Variants in HYCC1 observed in about 807,000 individuals in gnomAD.
HYCC1 encodes the protein hyccin PI4KA lipid kinase complex subunit 1, also known as hyccin.
At chr7:22,926,959 A>C in the HYCC1 span, among the ~76,000 whole-genome samples, 1 of 152,192 alleles carries the variant, frequency 6.6e-6, no homozygotes, top group Non-Finnish European at 1.5e-5. Context: ...CAAATGTAAA[A>C]GAACAGAAAT....
chr7:22,985,146 G>A, the HYCC1 span, among the ~76,000 whole-genome samples: 1 of 152,256 alleles, frequency 6.6e-6, no homozygotes, highest in African/African-American at 2.4e-5. Context: ...TAGATACCAT[G>A]TCTCAGGATA....
At chr7:23,005,475 G>C in the HYCC1 span, among the ~76,000 whole-genome samples, 1 of 152,164 alleles carries the variant, frequency 6.6e-6, no homozygotes, top group Non-Finnish European at 1.5e-5. Flanking sequence ...TCTGAAAAGA[G>C]GGGGCACAGG....
the HYCC1 span, among the ~76,000 whole-genome samples, chr7:22,900,867 T>C: frequency 6.6e-6 from 1 of 152,270 alleles, no homozygotes; most frequent in South Asian, 2.1e-4. Context: ...CTGTACATGA[T>C]ACCATCTTTA....
At chr7:23,003,276 C>G in the HYCC1 span, among the ~76,000 whole-genome samples, 2 of 151,580 alleles carry the variant, frequency 1.3e-5, no homozygotes, top group African/African-American at 4.9e-5. Context: ...CCAACTATGT[C>G]CTAGATACTA....
At chr7:22,899,221 A>T in the HYCC1 span, among the ~76,000 whole-genome samples, 1,901 of 152,052 alleles carry the variant, frequency 0.013, 10 homozygotes, top group Non-Finnish European at 0.021. Context: ...ACAATCAATG[A>T]TTTTCCACCC....
At chr7:23,005,468 G>A in the HYCC1 span, among the ~76,000 whole-genome samples, 4 of 152,164 alleles carry the variant, frequency 2.6e-5, no homozygotes, top group Non-Finnish European at 4.4e-5. Context: ...TTATAGTTCT[G>A]AAAAGAGGGG....
the HYCC1 span, among the ~76,000 whole-genome samples, chr7:23,006,003 T>C: frequency 5.3e-5 from 8 of 152,288 alleles, no homozygotes; most frequent in African/African-American, 1.9e-4. Context: ...GGGCTATTTG[T>C]CACCTTGTCC....
the HYCC1 span, chr7:22,960,191 T>A: frequency 1.3e-6 from 2 of 1,503,400 alleles, no homozygotes; most frequent in Non-Finnish European, 1.9e-6. Context: ...TATAGCACCA[T>A]AAGTACAGTG....
At chr7:22,926,245 C>T in the HYCC1 span, among the ~76,000 whole-genome samples, 38 of 152,074 alleles carry the variant, frequency 2.5e-4, no homozygotes, top group Non-Finnish European at 4.3e-4. Context: ...ATTGTAAAGA[C>T]CATCAAGGCT....
chr7:22,975,656 G>C, the HYCC1 span, among the ~76,000 whole-genome samples: 1 of 152,134 alleles, frequency 6.6e-6, no homozygotes, highest in Non-Finnish European at 1.5e-5. Context: ...TGATTAAATA[G>C]TCAATTTAAA....
At chr7:22,931,007 ATG>A in the HYCC1 span, among the ~76,000 whole-genome samples, 4 of 152,136 alleles carry the variant, frequency 2.6e-5, no homozygotes, top group Non-Finnish European at 5.9e-5. Context: ...GATAAAGAAC[ATG>A]TGAGATAAAC....
At chr7:22,969,124 C>T in the HYCC1 span, among the ~76,000 whole-genome samples, 2 of 152,216 alleles carry the variant, frequency 1.3e-5, no homozygotes, top group East Asian at 1.9e-4. Flanking sequence ...AGGGAATATC[C>T]TAAAAATATC....
the HYCC1 span, among the ~76,000 whole-genome samples, chr7:23,012,694 A>T: frequency 6.6e-6 from 1 of 152,160 alleles, no homozygotes; most frequent in Non-Finnish European, 1.5e-5. Flanking sequence ...ATTCACCTAA[A>T]GAAAAAAAAA....
At chr7:22,987,366 G>A in the HYCC1 span, among the ~76,000 whole-genome samples, 1 of 152,118 alleles carries the variant, frequency 6.6e-6, no homozygotes, top group Non-Finnish European at 1.5e-5. Flanking sequence ...TCGCTAACAC[G>A]GCAAGACCCC....
At chr7:22,964,897 G>A in the HYCC1 span, among the ~76,000 whole-genome samples, 2 of 152,038 alleles carry the variant, frequency 1.3e-5, no homozygotes, top group African/African-American at 2.4e-5. Context: ...CACTTTGGGA[G>A]GCCAAGGCAG....
At chr7:22,985,583 T>C in the HYCC1 span, 1 of 152,096 alleles carries the variant, frequency 6.6e-6, no homozygotes, top group Non-Finnish European at 1.5e-5. Flanking sequence ...TTTGGAAACC[T>C]TTCACAATTC....
chr7:22,923,144 T>C, the HYCC1 span, among the ~76,000 whole-genome samples: 257 of 152,256 alleles, frequency 1.7e-3, 1 homozygote, highest in African/African-American at 5.9e-3. Flanking sequence ...ATCTCAGGAA[T>C]AGATCATATG....
the HYCC1 span, among the ~76,000 whole-genome samples, chr7:22,919,133 A>G: frequency 1.3e-5 from 2 of 152,242 alleles, no homozygotes; most frequent in Non-Finnish European, 2.9e-5. Flanking sequence ...GAACAAAAAA[A>G]TTGCATGTGA....
the HYCC1 span, among the ~76,000 whole-genome samples, chr7:22,966,659 G>A: frequency 2.0e-5 from 3 of 151,894 alleles, no homozygotes; most frequent in East Asian, 1.9e-4. Context: ...CTCTTCCCCC[G>A]CACTGACTAC....
Sources: gnomAD v4.1 joint callset for allele counts (sites outside exome capture counted in the v4.1 genomes callset) on GRCh38, gnomAD v4.1.1 for gene constraint, MANE v1.5 for transcripts, NCBI Gene and HGNC (gene_info 2026-07-23, HGNC 2026-07-21) for gene names.